Variants in BCL9 observed in about 807,000 individuals in gnomAD.
BCL9 encodes B-cell CLL/lymphoma 9 protein.
Under a neutral mutation model 88.5 loss-of-function variants are expected in BCL9, and 25 were observed. The observed-to-expected ratio is 0.28, with a 90% CI of 0.21 to 0.39. BCL9 has a LOEUF of 0.39. BCL9 is among the 10% of genes least tolerant of loss of function. BCL9 has a pLI of 1.00. For synonymous variants in BCL9, 711 were observed against 673.3 expected, an observed-to-expected ratio of 1.06 and a Z score of -0.87; for missense variants, 1,817 against 1,877.8, an observed-to-expected ratio of 0.97 and a Z score of 0.60.
chr1:147,555,924 T>C (rs1206609127), intron 1 of BCL9, among the ~76,000 whole-genome samples: 1 of 152,234 alleles, frequency 6.6e-6, no homozygotes, highest in East Asian at 1.9e-4. Context: ...TTAAGTAAGC[T>C]TAATTAAATT....
chr1:147,553,055 G>C (rs1553195018), intron 1 of BCL9, among the ~76,000 whole-genome samples: 1 of 151,502 alleles, frequency 6.6e-6, no homozygotes, highest in Non-Finnish European at 1.5e-5. Flanking sequence ...AAAACATTCT[G>C]CCTTGTCTCC....
chr1:147,587,396 C>T (rs1228912419), intron 1 of BCL9, among the ~76,000 whole-genome samples: 5 of 152,178 alleles, frequency 3.3e-5, no homozygotes, highest in Admixed American at 2.6e-4. Flanking sequence ...AGCCGCCCCT[C>T]CCCCGGAACA....
chr1:147,544,574 T>C (rs1456551583), intron 1 of BCL9, among the ~76,000 whole-genome samples: 1 of 152,212 alleles, frequency 6.6e-6, no homozygotes, highest in Non-Finnish European at 1.5e-5. Flanking sequence ...GACTCTGATC[T>C]CGTTTTACTG....
At chr1:147,584,878 A>C (rs1473490476) in intron 1 of BCL9, among the ~76,000 whole-genome samples, 1 of 152,208 alleles carries the variant, frequency 6.6e-6, no homozygotes, top group Non-Finnish European at 1.5e-5. Context: ...CGTGGTTCTC[A>C]TTCATAACCA....
At chr1:147,580,832 A>G (rs1336399113) in intron 1 of BCL9, among the ~76,000 whole-genome samples, 1 of 152,180 alleles carries the variant, frequency 6.6e-6, no homozygotes, top group East Asian at 1.9e-4. Context: ...TTGAGGACCT[A>G]CTATGTGCTG....
chr1:147,580,883 G>C (rs895573979), intron 1 of BCL9, among the ~76,000 whole-genome samples: 1 of 152,152 alleles, frequency 6.6e-6, no homozygotes, highest in Non-Finnish European at 1.5e-5. Context: ...CAAAACTTCT[G>C]AGAGATAGAT....
intron 1 of BCL9, among the ~76,000 whole-genome samples, chr1:147,586,843 A>G (rs1463277107): frequency 1.3e-5 from 2 of 152,088 alleles, no homozygotes; most frequent in Non-Finnish European, 2.9e-5. Flanking sequence ...ATTGTTCCAA[A>G]TGGATAAGAT....
chr1:147,618,972 C>T lies in BCL9; in HGVS notation c.817C>T (p.Pro273Ser), dbSNP rs371078577. 1.9e-6 allele frequency: 3 copies of T among 1,613,606 alleles called. No individual in the cohort carries two copies. The highest frequency in any genetic ancestry group is 2.2e-5 in the South Asian group (2 of 91,030). ...ACCCAAGCCTGCCGCACCCCCACGT[C>T]CCCTGGACCGGGAGAGTCCTGGGGT... Reference protein sequence around the residue: ...PAPKPAAPPRPLDRESPGVEN... With the variant: ...PAPKPAAPPRSLDRESPGVEN... The change falls in exon 8 of 10, where the codon CCC becomes TCC. Residue 273 changes from proline (P) to serine (S), a missense_variant. Pro to Ser is a moderately conservative substitution (Grantham distance 74). This residue lies in a region of BCL9 where 1,228 missense variants were observed against 1,191.6 expected (regional missense o/e 1.03). Coordinates refer to ENST00000234739, the MANE Select transcript of BCL9 (RefSeq NM_004326.4).
Position 147,624,161 on chromosome 1 carries a change from G to T in BCL9, c.3483G>T (p.Gly1161=), listed in dbSNP as rs141589363. 332 of 1,597,508 alleles carry T rather than the reference G, an allele frequency of 2.1e-4. No individual in the cohort carries two copies. Among genetic ancestry groups the T allele is most frequent in the Non-Finnish European group, 2.8e-4 (327 of 1,170,616 alleles). ...VPFPHNGPSG[G]QGSFPGGMGF... Reference sequence around the variant, plus strand: ...TCCCTCACAATGGCCCCAGTGGGGGGCAGGGCAGCTTCCCAGGAGGGATGG... The same window carrying T: ...TCCCTCACAATGGCCCCAGTGGGGGTCAGGGCAGCTTCCCAGGAGGGATGG... The change falls in exon 10 of 10, where the codon GGG becomes GGT. Residue 1161 remains glycine, a synonymous_variant. Coordinates refer to ENST00000234739, the MANE Select transcript of BCL9 (RefSeq NM_004326.4). The surrounding 1 kb of genome is among the most constrained non-coding windows in gnomAD (Gnocchi z 4.4).
chr1:147,605,101 G>A (rs1445698308), intron 2 of BCL9, among the ~76,000 whole-genome samples, 190 bp downstream of exon 2: 1 of 152,218 alleles, frequency 6.6e-6, no homozygotes, highest in African/African-American at 2.4e-5. Flanking sequence ...CTTTCTGTGA[G>A]CAGGGACTTG....
At chr1:147,608,288 G>A (rs1553202211) in intron 3 of BCL9, among the ~76,000 whole-genome samples, 1 of 149,894 alleles carries the variant, frequency 6.7e-6, no homozygotes, top group Non-Finnish European at 1.5e-5. Context: ...GAGAAATTTG[G>A]CTCTAAGGGG....
At chr1:147,565,363 G>A (rs1430671236) in intron 1 of BCL9, among the ~76,000 whole-genome samples, 7 of 152,188 alleles carry the variant, frequency 4.6e-5, no homozygotes, top group Admixed American at 3.3e-4. Flanking sequence ...AATAGAGGAG[G>A]CTTACATTCC....
At chr1:147,612,301 G>A (rs1658047845) in intron 4 of BCL9, among the ~76,000 whole-genome samples, 1 of 152,210 alleles carries the variant, frequency 6.6e-6, no homozygotes, top group Admixed American at 6.5e-5. Context: ...TTTCACAGTA[G>A]TTAAATTGTT....
chr1:147,581,724 C>A (rs950283596), intron 1 of BCL9, among the ~76,000 whole-genome samples: 1 of 152,100 alleles, frequency 6.6e-6, no homozygotes, highest in African/African-American at 2.4e-5. Flanking sequence ...TGCTTTTGAT[C>A]AGAACTTTTT....
chr1:147,623,803 T>C, intron 9 of BCL9, 39 bp from the exon 10 acceptor site: 1 of 1,559,222 alleles, frequency 6.4e-7, no homozygotes, highest in Non-Finnish European at 8.7e-7. Context: ...GAGTTGATTT[T>C]TGGTTAAGTT....
chr1:147,597,916 C>T (rs1373300986), intron 1 of BCL9, among the ~76,000 whole-genome samples: 1 of 152,206 alleles, frequency 6.6e-6, no homozygotes, highest in Non-Finnish European at 1.5e-5. Flanking sequence ...GAGGGCTTAA[C>T]GCTTAGTAAA....
intron 7 of BCL9, among the ~76,000 whole-genome samples, chr1:147,616,830 A>G (rs1658308342): frequency 6.6e-6 from 1 of 152,164 alleles, no homozygotes; most frequent in African/African-American, 2.4e-5. Flanking sequence ...AATTGAACCA[A>G]AAGATACTTC....
intron 1 of BCL9, among the ~76,000 whole-genome samples, chr1:147,563,369 A>G (rs1243556290): frequency 2.0e-5 from 3 of 152,202 alleles, no homozygotes; most frequent in Non-Finnish European, 2.9e-5. Context: ...ATAAATAGTC[A>G]TTGAATGGAT....
rs1658561656 is a variant in BCL9 at position 147,620,468 on chromosome 1, G to T, written c.2313G>T (p.Glu771Asp). 1 of 1,613,954 alleles carries T rather than the reference G, an allele frequency of 6.2e-7. No homozygotes were observed. The highest frequency in any genetic ancestry group is 1.3e-5 in the African/African-American group (1 of 74,916). Residue 771 changes from glutamate to aspartate, a missense_variant, in exon 8 of 10, where the codon GAG (glutamate) becomes GAT (aspartate). By Grantham distance (45) the Glu-to-Asp change is conservative. This residue lies in a region of BCL9 where 1,228 missense variants were observed against 1,191.6 expected (regional missense o/e 1.03). Coordinates refer to ENST00000234739, the MANE Select transcript of BCL9 (RefSeq NM_004326.4). Reference sequence around the variant, plus strand: ...AGATGGTGCCACTGCCATTTGGTGAGCACCCCCAGCAGGAGTATGGCATGG... The same window carrying T: ...AGATGGTGCCACTGCCATTTGGTGATCACCCCCAGCAGGAGTATGGCATGG... ...QQKMVPLPFG[E>D]HPQQEYGMGP... is the part of the protein sequence containing the mutation.
Sources: gnomAD v4.1 joint callset for allele counts (sites outside exome capture counted in the v4.1 genomes callset) on GRCh38, gnomAD v4.1.1 for gene constraint, gnomAD v4.1.1 regional missense constraint, Gnocchi (gnomAD v3.1) non-coding constraint, MANE v1.5 for transcripts, NCBI Gene and HGNC (gene_info 2026-07-23, HGNC 2026-07-21) for gene names.